The following ARHGAP21 variants were observed in gnomAD, a reference collection of about 807,000 sequenced individuals.
The protein encoded by ARHGAP21 is rho GTPase-activating protein 21.
A neutral mutation model predicts 164.6 loss-of-function variants in ARHGAP21; 38 were observed. That is an observed-to-expected ratio of 0.23 (90% CI 0.18 to 0.30). The LOEUF (loss-of-function observed/expected upper bound fraction) is 0.30. Ranked by LOEUF, ARHGAP21 falls within the 10% of genes least tolerant of loss-of-function variation. The pLI is 1.00. For missense variants in ARHGAP21, 1,822 were observed against 2,370.7 expected, an observed-to-expected ratio of 0.77 and a Z score of 4.81; for synonymous variants, 766 against 857.9, an observed-to-expected ratio of 0.89 and a Z score of 1.87.
intron 2 of ARHGAP21, among the ~76,000 whole-genome samples, chr10:24,682,980 C>T: frequency 6.6e-6 from 1 of 151,112 alleles, no homozygotes. Context: ...CCTGTGGTCC[C>T]AGCTGCTTGA....
intron 2 of ARHGAP21, among the ~76,000 whole-genome samples, chr10:24,719,451 G>C (rs911345483): frequency 6.6e-6 from 1 of 152,178 alleles, no homozygotes; most frequent in African/African-American, 2.4e-5. Flanking sequence ...CAGAGAAGGT[G>C]GAGTTGGCTA....
At chr10:24,705,336 C>A (rs1378700091) in intron 2 of ARHGAP21, among the ~76,000 whole-genome samples, 1 of 152,118 alleles carries the variant, frequency 6.6e-6, no homozygotes, top group African/African-American at 2.4e-5. Context: ...TAATGTAAAT[C>A]CATTAGGCAC....
intron 2 of ARHGAP21, among the ~76,000 whole-genome samples, chr10:24,710,311 T>C (rs1844657221): frequency 6.6e-6 from 1 of 152,206 alleles, no homozygotes; most frequent in African/African-American, 2.4e-5. Flanking sequence ...AGCTGTAGCA[T>C]ATTCAGAATC....
chr10:24,596,234 A>G (rs1261407264), intron 17 of ARHGAP21, 191 bp from the exon 18 acceptor site: 2 of 493,996 alleles, frequency 4.0e-6, no homozygotes, highest in Non-Finnish European at 6.8e-6. Flanking sequence ...AGAAGAGAAC[A>G]AAGAGACTGA....
intron 25 of ARHGAP21, among the ~76,000 whole-genome samples, chr10:24,587,069 A>AT (rs1267835426): frequency 6.6e-6 from 1 of 152,150 alleles, no homozygotes. Flanking sequence ...ATCAATTAAC[A>AT]TAAGTACAAT....
chr10:24,637,811 C>A (rs1310904220), intron 4 of ARHGAP21, among the ~76,000 whole-genome samples: 3 of 151,990 alleles, frequency 2.0e-5, no homozygotes, highest in African/African-American at 4.8e-5. Flanking sequence ...AGAGTCCAAT[C>A]CTATAGCAAG....
chr10:24,643,503 G>T (rs912472466), intron 4 of ARHGAP21, among the ~76,000 whole-genome samples: 9 of 151,970 alleles, frequency 5.9e-5, no homozygotes, highest in African/African-American at 2.2e-4. Flanking sequence ...TAAACTATCA[G>T]TCTCCCTCCA....
chr10:24,664,167 T>C (rs1839960544), intron 4 of ARHGAP21, among the ~76,000 whole-genome samples: 1 of 152,202 alleles, frequency 6.6e-6, no homozygotes, highest in African/African-American at 2.4e-5. Context: ...AAATGTTGTT[T>C]TCTTAGAATA....
chr10:24,593,023 AT>A (rs1237479657), intron 21 of ARHGAP21, among the ~76,000 whole-genome samples: 1 of 152,176 alleles, frequency 6.6e-6, no homozygotes, highest in Non-Finnish European at 1.5e-5. Flanking sequence ...ATAGTATCTG[AT>A]ATATTTTGAA....
chr10:24,593,542 G>A (rs1246293830), intron 21 of ARHGAP21, among the ~76,000 whole-genome samples: 1 of 151,662 alleles, frequency 6.6e-6, no homozygotes, highest in East Asian at 1.9e-4. Context: ...CATAAAACTG[G>A]TAAAATAGTC....
At chr10:24,721,419 T>C (rs561476631) in intron 2 of ARHGAP21, among the ~76,000 whole-genome samples, 1 of 152,284 alleles carries the variant, frequency 6.6e-6, no homozygotes, top group East Asian at 1.9e-4. Flanking sequence ...ACAAGCATAC[T>C]AGCTGCCCTC....
chr10:24,655,016 G>A (rs1449482783), intron 4 of ARHGAP21, among the ~76,000 whole-genome samples: 2 of 152,170 alleles, frequency 1.3e-5, no homozygotes, highest in Non-Finnish European at 2.9e-5. Context: ...ACAAGAAATG[G>A]GGAAAGGATT....
In ARHGAP21 at chr10:24,659,157, A is replaced by T. The variant is rs1019407624; in HGVS notation, c.268+7828T>A. On this transcript the variant is annotated intron_variant, in intron 4 of 25. Transcript: ENST00000396432. ...TCCTCAAAATATGAAACATAGGATTACCATGTGACCTAGCAACTCTATTCC... is the reference window on the plus strand; with the variant it reads ...TCCTCAAAATATGAAACATAGGATTTCCATGTGACCTAGCAACTCTATTCC... Among the ~76,000 whole-genome samples, 3 of 152,210 alleles carry T rather than the reference A, an allele frequency of 2.0e-5. No individual in the cohort carries two copies. The East Asian group carries it at 5.8e-4, about 29-fold the overall frequency.
chr10:24,622,439 T>A (rs112769759), intron 8 of ARHGAP21, among the ~76,000 whole-genome samples: 281 of 6,074 alleles, frequency 0.046, 3 homozygotes, highest in African/African-American at 0.32. Context: ...AAAACATATA[T>A]ATATATATAT....
At chr10:24,720,254 CAAA>C (rs55746821) in intron 2 of ARHGAP21, among the ~76,000 whole-genome samples, 2 of 133,832 alleles carry the variant, frequency 1.5e-5, no homozygotes, top group African/African-American at 2.8e-5. Context: ...CTTAAATGAC[CAAA>C]AAAAAAAAAA....
At chr10:24,700,758 TA>T (rs1413905578) in intron 2 of ARHGAP21, among the ~76,000 whole-genome samples, 2 of 152,204 alleles carry the variant, frequency 1.3e-5, no homozygotes, top group East Asian at 3.9e-4. Context: ...AAGTAATATT[TA>T]AAGAAAAACA....
chr10:24,662,062 G>T (rs1479473315), intron 4 of ARHGAP21, among the ~76,000 whole-genome samples: 1 of 152,182 alleles, frequency 6.6e-6, no homozygotes, highest in Non-Finnish European at 1.5e-5. Context: ...AGCTTTGCAG[G>T]TCCACTGCTA....
At chr10:24,605,457 A>C (rs1435631465) in intron 11 of ARHGAP21, among the ~76,000 whole-genome samples, 1 of 152,178 alleles carries the variant, frequency 6.6e-6, no homozygotes, top group Non-Finnish European at 1.5e-5. Flanking sequence ...CCTTATAATG[A>C]GGAAGAAATA....
chr10:24,704,286 T>A (rs1843996112), intron 2 of ARHGAP21, among the ~76,000 whole-genome samples: 2 of 148,104 alleles, frequency 1.4e-5, no homozygotes, highest in African/African-American at 5.2e-5. Flanking sequence ...CATTTTTTCT[T>A]TTCTTTTTTT....
Sources: gnomAD v4.1 joint callset for allele counts (sites outside exome capture counted in the v4.1 genomes callset) on GRCh38, gnomAD v4.1.1 for gene constraint, MANE v1.5 for transcripts, NCBI Gene and HGNC (gene_info 2026-07-23, HGNC 2026-07-21) for gene names.